SNX13: variants seen among roughly 807,000 people sequenced by gnomAD.
SNX13 encodes sorting nexin 13.
Under a neutral mutation model 133.6 loss-of-function variants are expected in SNX13, and 45 were observed. The observed-to-expected ratio is 0.34, with a 90% CI of 0.27 to 0.43. The LOEUF is 0.43. Ranked by LOEUF, SNX13 falls within the 20% of genes least tolerant of loss-of-function variation. SNX13 has a pLI of 1.00. For missense variants in SNX13, 1,032 were observed against 1,145.1 expected (o/e 0.90, Z 1.43); for synonymous variants, 414 against 373.9 (o/e 1.11, Z -1.24).
In SNX13 at chr7:17,867,603, T is replaced by G. The variant is rs183578515; in HGVS notation, c.837+804A>C. Among the ~76,000 whole-genome samples the G allele has an allele frequency of 2.5e-3, 377 of 150,750 alleles. 3 individuals are homozygous for G. Among genetic ancestry groups the G allele is most frequent in the Middle Eastern group, 0.01 (3 of 294 alleles). On this transcript the variant is annotated intron_variant, in intron 9 of 25. Transcript: ENST00000428135. ...CTGGATGAAAGAGTGAGATCCCATC[T>G]CAAAAATAAATAAATAAAAATAAAG... is the stretch of plus-strand genomic sequence containing the variant.
intron 1 of SNX13, among the ~76,000 whole-genome samples, chr7:17,912,324 TA>T (rs1799070284): frequency 6.6e-6 from 1 of 151,684 alleles, no homozygotes; most frequent in Non-Finnish European, 1.5e-5. Flanking sequence ...ACACTGACAC[TA>T]AACTGGGAAA....
intron 9 of SNX13, among the ~76,000 whole-genome samples, chr7:17,854,621 T>C (rs1030902670): frequency 1.3e-5 from 2 of 152,220 alleles, no homozygotes; most frequent in African/African-American, 2.4e-5. Context: ...ATATCTACTA[T>C]GGTGATCAGT....
At chr7:17,901,860 G>T (rs1797874829) in intron 1 of SNX13, among the ~76,000 whole-genome samples, 1 of 152,208 alleles carries the variant, frequency 6.6e-6, no homozygotes, top group South Asian at 2.1e-4. Flanking sequence ...AGGACAATCA[G>T]TGGAGGCTTC....
chr7:17,902,441 T>C (rs749186367), intron 1 of SNX13, among the ~76,000 whole-genome samples: 6 of 152,152 alleles, frequency 3.9e-5, no homozygotes, highest in African/African-American at 1.4e-4. Flanking sequence ...GAATAGCGAA[T>C]TGTCCAAAAA....
intron 1 of SNX13, among the ~76,000 whole-genome samples, chr7:17,936,961 A>C (rs1047661504): frequency 3.2e-4 from 48 of 151,336 alleles, no homozygotes; most frequent in African/African-American, 1.1e-3. Context: ...AGGAAGTCCT[A>C]ACAGGAGCAA....
intron 5 of SNX13, among the ~76,000 whole-genome samples, chr7:17,887,105 A>G (rs1382384981): frequency 6.6e-6 from 1 of 152,222 alleles, no homozygotes; most frequent in African/African-American, 2.4e-5. Flanking sequence ...AGAGGCACAG[A>G]GTCAAGTGAT....
intron 1 of SNX13, among the ~76,000 whole-genome samples, chr7:17,937,197 C>G (rs190700140): frequency 4.6e-5 from 7 of 151,482 alleles, no homozygotes; most frequent in Non-Finnish European, 1.5e-5. Flanking sequence ...TATATGGGAG[C>G]TATACTTTCA....
chr7:17,794,323 T>C, intron 25 of SNX13, 31 bp from the exon 26 acceptor site: 1 of 1,587,154 alleles, frequency 6.3e-7, no homozygotes, highest in Non-Finnish European at 8.6e-7. Context: ...CACACATAAT[T>C]ATTCAAAGGA....
intron 20 of SNX13, among the ~76,000 whole-genome samples, chr7:17,804,866 A>C (rs532976869): frequency 1.3e-5 from 2 of 152,336 alleles, no homozygotes; most frequent in South Asian, 4.1e-4. Context: ...CAACGTTAAT[A>C]GATGGTAAGA....
intron 9 of SNX13, among the ~76,000 whole-genome samples, chr7:17,859,318 A>G (rs2128336113): frequency 6.6e-6 from 1 of 152,218 alleles, no homozygotes; most frequent in East Asian, 1.9e-4. Context: ...TCACAGGAAA[A>G]GACGCTCGGT....
At chr7:17,822,803 G>A (rs1787446826) in intron 17 of SNX13, among the ~76,000 whole-genome samples, 1 of 152,174 alleles carries the variant, frequency 6.6e-6, no homozygotes, top group South Asian at 2.1e-4. Flanking sequence ...CAGTGGTTCA[G>A]AAATAATTTT....
chr7:17,909,695 C>A (rs1798758683), intron 1 of SNX13, among the ~76,000 whole-genome samples: 1 of 151,938 alleles, frequency 6.6e-6, no homozygotes, highest in Admixed American at 6.6e-5. Flanking sequence ...GGGAAAAATA[C>A]ACACTGGCAC....
At chr7:17,927,281 TG>T (rs1211220147) in intron 1 of SNX13, among the ~76,000 whole-genome samples, 5 of 151,648 alleles carry the variant, frequency 3.3e-5, no homozygotes, top group African/African-American at 1.2e-4. Flanking sequence ...CTCACTCTGT[TG>T]CCCAGGCTAG....
chr7:17,899,313 G>A (rs1797557657), intron 1 of SNX13: 1 of 152,092 alleles, frequency 6.6e-6, no homozygotes, highest in South Asian at 2.1e-4. Flanking sequence ...TCTGCTCAGT[G>A]TTCTATAACC....
chr7:17,879,054 A>C (rs1795053668), intron 5 of SNX13, among the ~76,000 whole-genome samples: 1 of 152,086 alleles, frequency 6.6e-6, no homozygotes, highest in African/African-American at 2.4e-5. Flanking sequence ...ATTCCTTCAG[A>C]CTAGGCCCTG....
chr7:17,862,554 C>T (rs1391593142), intron 9 of SNX13, among the ~76,000 whole-genome samples: 1 of 152,090 alleles, frequency 6.6e-6, no homozygotes, highest in African/African-American at 2.4e-5. Flanking sequence ...ATTTATCTAA[C>T]ATATATGCTA....
intron 9 of SNX13, among the ~76,000 whole-genome samples, chr7:17,861,190 C>T (rs973366434): frequency 1.3e-5 from 2 of 151,976 alleles, no homozygotes; most frequent in Admixed American, 1.3e-4. Context: ...TATTTTTATT[C>T]CTGATATTTT....
rs547816170 is a variant in SNX13 at position 17,853,992 on chromosome 7, T to C, written c.838-3028A>G. Among the ~76,000 whole-genome samples, 3 of 151,546 alleles carry C rather than the reference T, an allele frequency of 2.0e-5. No homozygotes were observed. In the South Asian group the frequency reaches 6.2e-4, roughly 32 times the overall value. On this transcript the variant is annotated intron_variant, in intron 9 of 25. Coordinates refer to ENST00000428135, the MANE Select transcript of SNX13 (RefSeq NM_015132.5). ...AGAAAAAAGAAAAGAAAATTGGCAA[T>C]ACACAGAATCCTAAAGAAAGTTCTT...
At chr7:17,859,244 A>G (rs1792319123) in intron 9 of SNX13, among the ~76,000 whole-genome samples, 1 of 152,124 alleles carries the variant, frequency 6.6e-6, no homozygotes, top group Admixed American at 6.5e-5. Context: ...TTACATTATC[A>G]ATTTAAAAAA....
Sources: allele counts gnomAD v4.1 joint callset (sites outside exome capture counted in the v4.1 genomes callset), GRCh38; gene constraint gnomAD v4.1.1; transcripts MANE v1.5; gene names NCBI Gene and HGNC (gene_info 2026-07-23, HGNC 2026-07-21).